SLC22A9: variants seen among roughly 807,000 people sequenced by gnomAD.
SLC22A9 encodes solute carrier family 22 member 9.
In SLC22A9, 64 loss-of-function variants were observed where a neutral mutation model predicts 50.1. The observed-to-expected ratio is 1.28, with a 90% CI of 1.04 to 1.57. The LOEUF is 1.57. SLC22A9 is among the 40% of genes most tolerant of loss of function. The pLI, the probability that SLC22A9 is intolerant of heterozygous loss-of-function variation, is 0.00. For missense variants in SLC22A9, 757 were observed against 676.1 expected, an observed-to-expected ratio of 1.12 and a Z score of -1.33; for synonymous variants, 261 against 242.5, an observed-to-expected ratio of 1.08 and a Z score of -0.71.
In SLC22A9 at chr11:63,410,257, A is replaced by AAAAAAAAGGAAAGAAAGAAAG; in HGVS notation, c.*398_*399insAAAAGGAAAGAAAGAAAGAAA. On this transcript the variant is annotated 3_prime_UTR_variant, in exon 10 of 10. Coordinates refer to ENST00000279178, the MANE Select transcript of SLC22A9 (RefSeq NM_080866.3). ...CTGTCTCAAAAAAAAAAAAAAAAAAAAAAGAAAGAAGGAAAGAAAGAAAGA... is the reference window on the plus strand; with the variant it reads ...CTGTCTCAAAAAAAAAAAAAAAAAAAAAAAAAAGGAAAGAAAGAAAGAAAGAAAGAAGGAAAGAAAGAAAGA... The AAAAAAAAGGAAAGAAAGAAAG allele has an allele frequency of 9.2e-6, 1 of 108,468 alleles. No individual in the cohort carries two copies. Among genetic ancestry groups the AAAAAAAAGGAAAGAAAGAAAG allele is most frequent in the Non-Finnish European group, 1.6e-5 (1 of 61,184 alleles). 6.7% of individuals were successfully genotyped at this position (108,468 alleles called of 1,614,324 possible). A position where few individuals can be genotyped will look rare whatever the true frequency, so the allele number is the denominator to read the frequency against.
At chr11:63,406,333 A>C (rs1481179874) in intron 6 of SLC22A9, among the ~76,000 whole-genome samples, 164 bp from the exon 7 acceptor site, 1 of 152,162 alleles carries the variant, frequency 6.6e-6, no homozygotes, top group East Asian at 1.9e-4. Context: ...TATCATTATC[A>C]CTTAATAGAT....
rs776618950 is a variant in SLC22A9 at position 63,406,721 on chromosome 11, G to C, written c.1288+10G>C. On this transcript the variant is annotated intron_variant, in intron 7 of 9. Coordinates refer to ENST00000279178, the MANE Select transcript of SLC22A9 (RefSeq NM_080866.3). Reference sequence around the variant, plus strand: ...ATATTTGTGCCACAAGGTGAGAAAAGATCACAGGTGGAAGAGAGAAATGCC... The same window carrying C: ...ATATTTGTGCCACAAGGTGAGAAAACATCACAGGTGGAAGAGAGAAATGCC... The C allele has an allele frequency of 6.8e-6, 11 of 1,612,302 alleles. No homozygotes were observed. The highest frequency in any genetic ancestry group is 9.3e-6 in the Non-Finnish European group (11 of 1,179,102).
chr11:63,388,043 A>G (rs1019228362), intron 6 of SLC22A9, among the ~76,000 whole-genome samples: 1 of 152,002 alleles, frequency 6.6e-6, no homozygotes, highest in Non-Finnish European at 1.5e-5. Flanking sequence ...TACTGAATTT[A>G]TTTCTTGTTT....
chr11:63,407,862 T>C (rs1461481452), intron 7 of SLC22A9, among the ~76,000 whole-genome samples: 1 of 152,248 alleles, frequency 6.6e-6, no homozygotes, highest in African/African-American at 2.4e-5. Flanking sequence ...TGCTATGGCA[T>C]ATCTCTGATA....
At chr11:63,378,767 G>A (rs917859180) in intron 5 of SLC22A9, among the ~76,000 whole-genome samples, 12 of 151,968 alleles carry the variant, frequency 7.9e-5, no homozygotes, top group Non-Finnish European at 1.0e-4. Context: ...AATCTCATTC[G>A]CAATAAACAC....
At chr11:63,405,935 G>A (rs558621899) in intron 6 of SLC22A9, among the ~76,000 whole-genome samples, 10 of 152,156 alleles carry the variant, frequency 6.6e-5, no homozygotes, top group East Asian at 1.9e-4. Context: ...GACCATCATC[G>A]TCTTACCATC....
At chr11:63,377,362 G>C (rs184950828) in intron 5 of SLC22A9, among the ~76,000 whole-genome samples, 10 of 152,002 alleles carry the variant, frequency 6.6e-5, no homozygotes, top group Non-Finnish European at 1.2e-4. Context: ...CACACTCCTG[G>C]ACCACAACAC....
At chr11:63,378,574 C>T (rs1010347008) in intron 5 of SLC22A9, among the ~76,000 whole-genome samples, 4 of 152,026 alleles carry the variant, frequency 2.6e-5, no homozygotes, top group African/African-American at 9.7e-5. Flanking sequence ...GAGAGGAAGT[C>T]AAAATATCTC....
At chr11:63,385,767 G>T (rs560521681) in intron 6 of SLC22A9, among the ~76,000 whole-genome samples, 12 of 151,830 alleles carry the variant, frequency 7.9e-5, no homozygotes, top group Non-Finnish European at 1.8e-4. Flanking sequence ...CCTCTCTTCC[G>T]ATTCAAATAC....
rs1197709073 is a variant in SLC22A9 at position 63,371,247 on chromosome 11, G to A, written c.506+9G>A. 3 of 1,594,170 alleles carry A rather than the reference G, an allele frequency of 1.9e-6. No homozygotes were observed. The highest frequency in any genetic ancestry group is 2.2e-5 in the South Asian group (2 of 90,442). ...GGTCATTTATCAGACAGGTGAGTGT[G>A]TATGGAACACAGCTCTCTTTAAGGG... On this transcript the variant is annotated intron_variant, in intron 2 of 9. Transcript: ENST00000279178.
rs777601748 is a variant in SLC22A9 at position 63,373,909 on chromosome 11, C to A, written c.677C>A (p.Thr226Lys). The change falls in exon 4 of 10, where the codon ACA becomes AAA. Residue 226 changes from threonine (T) to lysine (K), a missense_variant. Coordinates refer to ENST00000279178, the MANE Select transcript of SLC22A9 (RefSeq NM_080866.3). The stretch of plus-strand genomic sequence containing the variant: ...TTTCTTCCAGTAGCCGAGTGGGCAA[C>A]ACACAGATTCCAGGCCATGGGAATT... ...NTIMLIAEWA[T>K]HRFQAMGITL... is the part of the protein sequence containing the mutation. The A allele has an allele frequency of 3.1e-6, 5 of 1,613,530 alleles. No homozygotes were observed. Among genetic ancestry groups the A allele is most frequent in the Non-Finnish European group, 2.5e-6 (3 of 1,179,694 alleles).
intron 6 of SLC22A9, among the ~76,000 whole-genome samples, chr11:63,391,823 A>G (rs1200028532): frequency 1.3e-5 from 2 of 152,016 alleles, no homozygotes; most frequent in African/African-American, 4.8e-5. Flanking sequence ...TTGATTTTAA[A>G]AAAAAGACTT....
In SLC22A9 at chr11:63,375,852, A is replaced by C. The variant is rs948105447; in HGVS notation, c.954+84A>C. ...TTAGCAGTAGCAGTGTCCATAAGGT[A>C]AAAAAAGGAAAGAAACACAGGTATG... On this transcript the variant is annotated intron_variant, in intron 5 of 9. Transcript: ENST00000279178. 62 of 1,502,954 alleles carry C rather than the reference A, an allele frequency of 4.1e-5. No individual in the cohort carries two copies. The East Asian group carries it at 1.4e-3, about 35-fold the overall frequency. The allele number at this position is 1,502,954 out of a possible 1,614,324, so 93.1% of individuals were successfully genotyped here.
rs757799293 is a variant in SLC22A9, at chr11:63,370,467, C to G, written c.402+9C>G. On this transcript the variant is annotated intron_variant, in intron 1 of 9. Coordinates refer to ENST00000279178, the MANE Select transcript of SLC22A9 (RefSeq NM_080866.3). ...CCACCATCGTGACTGAGGTAAGAGG[C>G]TCTGTTCTCGTCTCATGAGTATGTG... is the stretch of plus-strand genomic sequence containing the variant. The G allele has an allele frequency of 3.2e-6, 5 of 1,564,498 alleles. No individual in the cohort carries two copies. Among genetic ancestry groups the G allele is most frequent in the Middle Eastern group, 1.7e-4 (1 of 5,784 alleles).
chr11:63,409,488 A>G (rs1167116945), intron 9 of SLC22A9, among the ~76,000 whole-genome samples: 1 of 152,136 alleles, frequency 6.6e-6, no homozygotes, highest in Non-Finnish European at 1.5e-5. Context: ...AAGAAAGTTT[A>G]CAAATTTGTG....
chr11:63,386,130 A>G (rs688999), intron 6 of SLC22A9, among the ~76,000 whole-genome samples: 94,724 of 152,048 alleles, frequency 0.62, 29,701 homozygotes, highest in African/African-American at 0.66. Flanking sequence ...CTTTGCATCT[A>G]GGGATGAAGC....
At chr11:63,381,140 T>A (rs939474645) in intron 5 of SLC22A9, among the ~76,000 whole-genome samples, 5 of 152,178 alleles carry the variant, frequency 3.3e-5, no homozygotes, top group African/African-American at 1.2e-4. Context: ...CTAATGTACC[T>A]GTTCTAGACA....
intron 6 of SLC22A9, among the ~76,000 whole-genome samples, chr11:63,391,481 A>G (rs1196104963): frequency 2.0e-5 from 3 of 151,966 alleles, no homozygotes; most frequent in Non-Finnish European, 1.5e-5. Flanking sequence ...CTCTATTAAT[A>G]TTTGCTTTAT....
At chr11:63,402,456 G>A (rs1301371808) in intron 6 of SLC22A9, among the ~76,000 whole-genome samples, 1 of 151,998 alleles carries the variant, frequency 6.6e-6, no homozygotes, top group Non-Finnish European at 1.5e-5. Flanking sequence ...TCTAATGACT[G>A]TGTTGCATTG....
Sources: allele counts gnomAD v4.1 joint callset (sites outside exome capture counted in the v4.1 genomes callset), GRCh38; gene constraint gnomAD v4.1.1; transcripts MANE v1.5; gene names NCBI Gene and HGNC (gene_info 2026-07-23, HGNC 2026-07-21).